The following NTM variants were observed in gnomAD, a reference collection of about 807,000 sequenced individuals.
NTM encodes neurotrimin, also known as IgLON family member 2.
NTM carries 13 observed loss-of-function variants against 42.1 expected under a neutral mutation model. That is an observed-to-expected ratio of 0.31 (90% confidence interval 0.20 to 0.49). NTM has a LOEUF of 0.49. NTM is among the 20% of genes least tolerant of loss of function. The pLI is 0.99. For missense variants in NTM, 373 were observed against 452.8 expected, an observed-to-expected ratio of 0.82 and a Z score of 1.60; for synonymous variants, 187 against 179.2, an observed-to-expected ratio of 1.04 and a Z score of -0.35.
chr11:131,704,447 G>T (rs1318261332), intron 1 of NTM, among the ~76,000 whole-genome samples: 4 of 152,282 alleles, frequency 2.6e-5, no homozygotes, highest in Non-Finnish European at 4.4e-5. Context: ...TCATTAGATG[G>T]CCCCACCCAA....
At position 131,972,042 on chromosome 11, in the gene NTM, C is replaced by CAAAAAAAAAAAAAAAAAAAA. The variant is rs61627120; in HGVS notation, c.167+60396_167+60415dup. Among the ~76,000 whole-genome samples, 31 of 57,822 alleles carry CAAAAAAAAAAAAAAAAAAAA rather than the reference C, an allele frequency of 5.4e-4. 1 individual carries two copies. Among genetic ancestry groups the CAAAAAAAAAAAAAAAAAAAA allele is most frequent in the African/African-American group, 1.6e-3 (24 of 14,802 alleles). The allele number at this position is 57,822 out of a possible 152,430, so 37.9% of individuals were successfully genotyped here. On this transcript the variant is annotated intron_variant, in intron 2 of 8. Transcript: ENST00000683400. Reference sequence around the variant, plus strand: ...TGGGCGACAGAGTGAGACTCCGTCTCAAAAAAAAAAAAAAAAAAAAATTAG... The same window carrying CAAAAAAAAAAAAAAAAAAAA: ...TGGGCGACAGAGTGAGACTCCGTCTCAAAAAAAAAAAAAAAAAAAAAAAAAAAAAAAAAAAAAAAAATTAG...
intron 2 of NTM, among the ~76,000 whole-genome samples, chr11:132,110,280 T>C (rs1210219002): frequency 6.6e-6 from 1 of 152,240 alleles, no homozygotes; most frequent in Non-Finnish European, 1.5e-5. Context: ...AATGATTACA[T>C]AAGTGAATAA....
chr11:131,966,815 C>T lies in NTM; in HGVS notation c.167+55167C>T, dbSNP rs144349446. Among the ~76,000 whole-genome samples, 631 of 152,228 alleles carry T rather than the reference C, an allele frequency of 4.1e-3. 5 individuals are homozygous for T. The highest frequency in any genetic ancestry group is 0.014 in the African/African-American group (602 of 41,542). On this transcript the variant is annotated intron_variant, in intron 2 of 8. Transcript: ENST00000683400. ...GAATGGAATGTGTTCTAAAATGGGA[C>T]GCTGGCCTCTGTGTGAGGACAGACA... is the stretch of plus-strand genomic sequence containing the variant.
intron 1 of NTM, among the ~76,000 whole-genome samples, chr11:131,708,291 A>G (rs2076786860): frequency 1.3e-5 from 2 of 152,166 alleles, no homozygotes; most frequent in Admixed American, 6.5e-5. Context: ...AAATACATGA[A>G]TGTTCAAGAA....
intron 7 of NTM, among the ~76,000 whole-genome samples, chr11:132,317,303 A>T (rs1375799176): frequency 1.3e-5 from 2 of 150,966 alleles, no homozygotes; most frequent in Non-Finnish European, 2.9e-5. Context: ...GGGGTGGGGA[A>T]GTGGGAAACA....
chr11:132,323,975 A>G (rs2095625784), intron 7 of NTM, among the ~76,000 whole-genome samples: 5 of 146,390 alleles, frequency 3.4e-5, no homozygotes, highest in Admixed American at 1.4e-4. Flanking sequence ...AAATTCAACA[A>G]CCCTTCATGC....
At chr11:131,581,301 C>A (rs1009843823) in intron 1 of NTM, among the ~76,000 whole-genome samples, 1 of 151,966 alleles carries the variant, frequency 6.6e-6, no homozygotes, top group Non-Finnish European at 1.5e-5. Flanking sequence ...TTTCCTCGGT[C>A]CCCAGGGAGG....
At chr11:131,690,364 G>A (rs2074499700) in intron 1 of NTM, among the ~76,000 whole-genome samples, 1 of 152,186 alleles carries the variant, frequency 6.6e-6, no homozygotes, top group Admixed American at 6.5e-5. Flanking sequence ...CAGAAGAGGT[G>A]GGCATGACAC....
At chr11:132,133,716 C>T (rs2067234761) in intron 2 of NTM, among the ~76,000 whole-genome samples, 1 of 152,164 alleles carries the variant, frequency 6.6e-6, no homozygotes, top group Non-Finnish European at 1.5e-5. Flanking sequence ...TTGGGAAAGG[C>T]AACTCCCAGG....
At chr11:131,478,854 G>A (rs1565544388) in intron 1 of NTM, among the ~76,000 whole-genome samples, 1 of 152,216 alleles carries the variant, frequency 6.6e-6, no homozygotes, top group Non-Finnish European at 1.5e-5. Flanking sequence ...GTGCTTCTTC[G>A]CATAGCCCAG....
chr11:131,932,911 C>T (rs937033204), intron 2 of NTM, among the ~76,000 whole-genome samples: 15 of 152,084 alleles, frequency 9.9e-5, no homozygotes, highest in South Asian at 2.1e-4. Flanking sequence ...AAGCAATGGC[C>T]GGTGAATAAG....
intron 1 of NTM, among the ~76,000 whole-genome samples, chr11:131,530,425 C>CAAAA (rs60376694): frequency 1.8e-3 from 149 of 84,966 alleles, no homozygotes; most frequent in African/African-American, 3.8e-3. Flanking sequence ...GTGCCTTTCT[C>CAAAA]AAAAAAAAAA....
At chr11:131,993,949 G>A (rs1310584608) in intron 2 of NTM, among the ~76,000 whole-genome samples, 3 of 150,524 alleles carry the variant, frequency 2.0e-5, no homozygotes, top group South Asian at 2.1e-4. Flanking sequence ...GTTGCAGTGA[G>A]CTGAGATCAT....
chr11:132,211,233 T>C (rs1800261315), intron 3 of NTM, among the ~76,000 whole-genome samples: 1 of 152,150 alleles, frequency 6.6e-6, no homozygotes, highest in Admixed American at 6.6e-5. Context: ...CAAAACCTTG[T>C]CTCTACAAGA....
chr11:131,616,625 C>G (rs1290918419), intron 1 of NTM, among the ~76,000 whole-genome samples: 1 of 152,028 alleles, frequency 6.6e-6, no homozygotes, highest in Non-Finnish European at 1.5e-5. Context: ...GTTTTTAACC[C>G]AAGATGATGA....
At position 131,580,254 on chromosome 11, in the gene NTM, T is replaced by C. The variant is rs561466331; in HGVS notation, c.82+209366T>C. 4.6e-5 allele frequency among the ~76,000 whole-genome samples: 7 copies of C among 152,360 alleles called. No homozygotes were observed. In the East Asian group the frequency reaches 1.3e-3, roughly 29 times the overall value. On this transcript the variant is annotated intron_variant, in intron 1 of 8. Coordinates refer to ENST00000683400, the MANE Select transcript of NTM (RefSeq NM_001352005.2). ...GCCCACTGTCACATATTTGTGGCAT[T>C]AATGCTGGCTGCTTTATCACAGATT...
chr11:131,587,873 T>C (rs1361063336), intron 1 of NTM, among the ~76,000 whole-genome samples: 1 of 152,102 alleles, frequency 6.6e-6, no homozygotes, highest in Non-Finnish European at 1.5e-5. Flanking sequence ...GCTGGTGGAA[T>C]ACAAAGTGAG....
At position 132,336,713 on chromosome 11, in the gene NTM, A is replaced by T. The variant is rs1019033705; in HGVS notation, c.*1567A>T. The T allele has an allele frequency of 6.8e-6, 1 of 147,636 alleles. No individual in the cohort carries two copies. Among genetic ancestry groups the T allele is most frequent in the African/African-American group, 2.5e-5 (1 of 40,044 alleles). The allele number at this position is 147,636 out of a possible 1,614,324, so 9.1% of individuals were successfully genotyped here. On this transcript the variant is annotated 3_prime_UTR_variant, in exon 9 of 9. Coordinates refer to ENST00000683400, the MANE Select transcript of NTM (RefSeq NM_001352005.2). ...TCCCCTGAAAGTCTGGGAACCTGAG[A>T]GTCCTCGGGGAGGGGTCCTGGATGT...
intron 3 of NTM, among the ~76,000 whole-genome samples, chr11:132,181,312 G>A (rs773593255): frequency 1.3e-5 from 2 of 152,140 alleles, no homozygotes; most frequent in Non-Finnish European, 2.9e-5. Flanking sequence ...TTTCCTAGGT[G>A]ATGCTACTCC....
Sources: allele counts gnomAD v4.1 joint callset (sites outside exome capture counted in the v4.1 genomes callset), GRCh38; gene constraint gnomAD v4.1.1; transcripts MANE v1.5; gene names NCBI Gene and HGNC (gene_info 2026-07-23, HGNC 2026-07-21).